CCDC13: variants seen among roughly 807,000 people sequenced by gnomAD.
CCDC13 encodes coiled-coil domain containing 13.
A neutral mutation model predicts 87.3 loss-of-function variants in CCDC13; 70 were observed. The ratio of observed to expected loss-of-function variants is 0.80; its 90% CI spans 0.66 to 0.98. The LOEUF (loss-of-function observed/expected upper bound fraction) is 0.98. CCDC13 is among the 50% of genes least tolerant of loss of function. The probability of loss-of-function intolerance (pLI) is 0.00; values close to 1 mark genes in which losing one functional copy is unlikely to be tolerated. For missense variants in CCDC13, 842 were observed against 892.0 expected, an observed-to-expected ratio of 0.94 and a Z score of 0.71; for synonymous variants, 317 against 360.3, an observed-to-expected ratio of 0.88 and a Z score of 1.36.
chr3:42,721,947 T>C (rs924052717), intron 13 of CCDC13, among the ~76,000 whole-genome samples: 1 of 152,222 alleles, frequency 6.6e-6, no homozygotes, highest in Non-Finnish European at 1.5e-5. Context: ...GGGCATGTAT[T>C]GGAATTGGCT....
At position 42,730,547 on chromosome 3, in the gene CCDC13, C is replaced by T. The variant is rs756143025; in HGVS notation, c.1638G>A (p.Val546=). Residue 546 remains valine (V), a synonymous_variant, in exon 13 of 16, where the codon GTG becomes GTA. Transcript: ENST00000310232. ...SPEQKGWQAQ[V]SEIKALWQAA... ...CCTGCCAGAGGGCCTTGATCTCTGA[C>T]ACTTGTGCCTGCCAGCCTTTTTGTT... 1 of 1,614,194 alleles carries T rather than the reference C, an allele frequency of 6.2e-7. No individual in the cohort carries two copies. The highest frequency in any genetic ancestry group is 1.1e-5 in the South Asian group (1 of 91,082).
chr3:42,705,506 C>G (rs756112089), downstream of CCDC13, among the ~76,000 whole-genome samples: 5 of 152,192 alleles, frequency 3.3e-5, no homozygotes, highest in Non-Finnish European at 7.3e-5. Flanking sequence ...ACCTGCAGCA[C>G]CTGCCTGGGG....
chr3:42,710,986 C>T (rs1238556027), intron 14 of CCDC13, among the ~76,000 whole-genome samples: 1 of 151,670 alleles, frequency 6.6e-6, no homozygotes, highest in Non-Finnish European at 1.5e-5. Flanking sequence ...TGGCTCATGC[C>T]TATAATCCCA....
intron 10 of CCDC13, among the ~76,000 whole-genome samples, chr3:42,734,297 C>T (rs934409249): frequency 7.2e-5 from 11 of 152,324 alleles, no homozygotes; most frequent in African/African-American, 2.2e-4. Context: ...GTGGGTAATG[C>T]TTGGCCCCCA....
chr3:42,748,960 T>C (rs1021584517), intron 5 of CCDC13, among the ~76,000 whole-genome samples: 4 of 152,166 alleles, frequency 2.6e-5, no homozygotes, highest in South Asian at 2.1e-4. Flanking sequence ...GGTTTCACCA[T>C]GTTAGCCAGG....
Position 42,707,627 on chromosome 3 carries a change from G to A in CCDC13, c.*1353C>T, listed in dbSNP as rs564959006. ...GGGTGTTTTCACAGTATGTGCACCTGCATTTGTGCATCACTGCACAAGCAA... is the reference window on the plus strand; with the variant it reads ...GGGTGTTTTCACAGTATGTGCACCTACATTTGTGCATCACTGCACAAGCAA... On this transcript the variant is annotated 3_prime_UTR_variant, in exon 16 of 16. Coordinates refer to ENST00000310232, the MANE Select transcript of CCDC13 (RefSeq NM_144719.4). Among the ~76,000 whole-genome samples the A allele has an allele frequency of 1.6e-4, 25 of 152,340 alleles. No homozygotes were observed. Among genetic ancestry groups the A allele is most frequent in the Admixed American group, 5.9e-4 (9 of 15,310 alleles).
At chr3:42,733,912 G>A (rs542601537) in intron 10 of CCDC13, among the ~76,000 whole-genome samples, 24 of 152,306 alleles carry the variant, frequency 1.6e-4, no homozygotes, top group Middle Eastern at 3.4e-3. Context: ...AGAGACTGAC[G>A]TCTCTGAGTG....
In CCDC13 at chr3:42,757,198, T is replaced by C; in HGVS notation, c.238A>G (p.Ile80Val). 6 of 1,614,028 alleles carry C rather than the reference T, an allele frequency of 3.7e-6. No homozygotes were observed. The highest frequency in any genetic ancestry group is 5.1e-6 in the Non-Finnish European group (6 of 1,179,972). Reference sequence around the variant, plus strand: ...CTGAGCTCATTTCGAAGGTGTTCAATCTCATCTTCAAGCACCCTACAAGGC... The same window carrying C: ...CTGAGCTCATTTCGAAGGTGTTCAACCTCATCTTCAAGCACCCTACAAGGC... ...SFEKRVLEDE[I>V]EHLRNELRET... The change falls in exon 3 of 16, where the codon ATT becomes GTT. Residue 80 changes from isoleucine (I) to valine (V), a missense_variant. Physicochemically the swap from Ile to Val is conservative, Grantham distance 29. Coordinates refer to ENST00000310232, the MANE Select transcript of CCDC13 (RefSeq NM_144719.4).
intron 15 of CCDC13, 126 bp downstream of exon 15, chr3:42,709,558 C>A: frequency 1.3e-6 from 1 of 782,960 alleles, no homozygotes; most frequent in Non-Finnish European, 2.2e-6. Context: ...AACCCAGGAC[C>A]AAACAGGACA....
intron 9 of CCDC13, among the ~76,000 whole-genome samples, chr3:42,738,863 A>G (rs1338405227): frequency 6.6e-6 from 1 of 152,192 alleles, no homozygotes; most frequent in Non-Finnish European, 1.5e-5. Flanking sequence ...AAACAGGAAC[A>G]ATTTGACTTC....
chr3:42,705,473 A>G (rs1698155963), downstream of CCDC13, among the ~76,000 whole-genome samples: 2 of 152,170 alleles, frequency 1.3e-5, no homozygotes. Flanking sequence ...CTCACCTGTC[A>G]GTGCTGGAAC....
chr3:42,761,936 C>G (rs1030373221), intron 1 of CCDC13, among the ~76,000 whole-genome samples: 1 of 152,210 alleles, frequency 6.6e-6, no homozygotes, highest in African/African-American at 2.4e-5. Flanking sequence ...ACCCAAACAG[C>G]TTCAACTGCT....
intron 7 of CCDC13, chr3:42,745,398 C>T (rs1227563520): frequency 1.3e-5 from 2 of 153,410 alleles, no homozygotes; most frequent in Admixed American, 6.5e-5. Context: ...AAGGAACTTG[C>T]TTAAGGTCAC....
intron 7 of CCDC13, 65 bp downstream of exon 7, chr3:42,745,858 G>T (rs1699377651): frequency 9.8e-6 from 13 of 1,320,128 alleles, no homozygotes; most frequent in Non-Finnish European, 1.4e-5. Context: ...GGGGGTCAGG[G>T]CAGCTCTTTC....
At chr3:42,722,078 A>G (rs1698576889) in intron 13 of CCDC13, among the ~76,000 whole-genome samples, 1 of 152,136 alleles carries the variant, frequency 6.6e-6, no homozygotes, top group African/African-American at 2.4e-5. Context: ...TTGCTGTTGT[A>G]CTCTTTGTAT....
intron 13 of CCDC13, among the ~76,000 whole-genome samples, chr3:42,715,145 A>C (rs1269131135): frequency 1.4e-5 from 1 of 73,432 alleles, no homozygotes; most frequent in African/African-American, 6.5e-5. Context: ...AAAAATACAA[A>C]AAAAAAAAAA....
chr3:42,716,306 A>G (rs1431083570), intron 13 of CCDC13, among the ~76,000 whole-genome samples: 3 of 152,344 alleles, frequency 2.0e-5, no homozygotes, highest in Middle Eastern at 3.4e-3. Flanking sequence ...CAAGGAACCA[A>G]TGATTTTTGC....
intron 13 of CCDC13, among the ~76,000 whole-genome samples, chr3:42,724,279 C>T (rs1348895495): frequency 1.3e-5 from 2 of 152,358 alleles, no homozygotes; most frequent in South Asian, 2.1e-4. Flanking sequence ...ATTATCCTCA[C>T]TCATGCAGTT....
Position 42,741,958 on chromosome 3 carries a change from C to G in CCDC13, c.987+938G>C, listed in dbSNP as rs145112433. On this transcript the variant is annotated intron_variant, in intron 8 of 15. Transcript: ENST00000310232. ...AGCGTTGGTGCTCACAGGCAAAAGT[C>G]TCCAGATGAAAAGGCAAGTCCTCAC... Among the ~76,000 whole-genome samples, 18 of 152,344 alleles carry G rather than the reference C, an allele frequency of 1.2e-4. No homozygotes were observed. In the East Asian group the frequency reaches 3.3e-3, roughly 28 times the overall value.
Sources: gnomAD v4.1 joint callset for allele counts (sites outside exome capture counted in the v4.1 genomes callset) on GRCh38, gnomAD v4.1.1 for gene constraint, MANE v1.5 for transcripts, NCBI Gene and HGNC (gene_info 2026-07-23, HGNC 2026-07-21) for gene names.